ESRP1: variants seen among roughly 807,000 people sequenced by gnomAD.
The protein encoded by ESRP1 is epithelial splicing regulatory protein 1, also known as RNA-binding motif protein 35A.
A neutral mutation model predicts 81.7 loss-of-function variants in ESRP1; 33 were observed. The ratio of observed to expected loss-of-function variants is 0.40; its 90% CI spans 0.31 to 0.54. The LOEUF is 0.54. Ranked by LOEUF, ESRP1 falls within the 20% of genes least tolerant of loss-of-function variation. The pLI is 0.41. For synonymous variants in ESRP1, 320 were observed against 303.3 expected, an observed-to-expected ratio of 1.06 and a Z score of -0.57; for missense variants, 672 against 833.1, an observed-to-expected ratio of 0.81 and a Z score of 2.38.
At chr8:94,646,042 T>A (rs3824131) in intron 3 of ESRP1, 126 bp from the exon 4 acceptor site, 1 of 549,724 alleles carries the variant, frequency 1.8e-6, no homozygotes, top group South Asian at 2.7e-5. Context: ...TAAATCTACT[T>A]TTACATTAAA....
intron 13 of ESRP1, among the ~76,000 whole-genome samples, chr8:94,690,039 C>T (rs1176431778): frequency 1.7e-4 from 25 of 151,500 alleles, no homozygotes; most frequent in Non-Finnish European, 2.9e-4. Flanking sequence ...AGGATGGTCT[C>T]GATCTCTTGA....
At chr8:94,664,626 C>A in intron 6 of ESRP1, 71 bp from the exon 7 acceptor site, 1 of 1,079,120 alleles carries the variant, frequency 9.3e-7, no homozygotes, top group Non-Finnish European at 1.4e-6. Flanking sequence ...AGGCAGTTGT[C>A]TTGCAGGGGG....
At chr8:94,679,758 CCT>C (rs1351590711) in intron 13 of ESRP1, among the ~76,000 whole-genome samples, 1 of 151,990 alleles carries the variant, frequency 6.6e-6, no homozygotes, top group Non-Finnish European at 1.5e-5. Context: ...ATTTTATACA[CCT>C]CTGAGTCTAG....
At position 94,706,137 on chromosome 8, in the gene ESRP1, CTTTGCTG is replaced by C; in HGVS notation, c.*249_*255del. On this transcript the variant is annotated 3_prime_UTR_variant, in exon 16 of 16. Coordinates refer to ENST00000433389, the MANE Select transcript of ESRP1 (RefSeq NM_017697.4). ...CAAGCAGCATGCAGCATACCTGGCT[CTTTGCTG>C]ATTGCAAATAGGCATTTAAAATGTG... The C allele has an allele frequency of 1.8e-6, 1 of 544,242 alleles. No individual in the cohort carries two copies. The highest frequency in any genetic ancestry group is 3.2e-6 in the Non-Finnish European group (1 of 312,436). 33.7% of individuals were successfully genotyped at this position (544,242 alleles called of 1,614,324 possible). A position where few individuals can be genotyped will look rare whatever the true frequency, so the allele number is the denominator to read the frequency against.
At chr8:94,659,192 G>GT (rs1239172201) in intron 4 of ESRP1, among the ~76,000 whole-genome samples, 2 of 151,532 alleles carry the variant, frequency 1.3e-5, no homozygotes, top group African/African-American at 4.9e-5. Flanking sequence ...GTTTTGTTTT[G>GT]TTTAAAAAAA....
chr8:94,655,065 T>G (rs79486751), intron 4 of ESRP1, among the ~76,000 whole-genome samples: 23,480 of 147,512 alleles, frequency 0.16, 2,262 homozygotes, highest in Non-Finnish European at 0.22. Flanking sequence ...TTTGGGTTTT[T>G]TGTGTGTGTG....
intron 3 of ESRP1, among the ~76,000 whole-genome samples, chr8:94,645,439 CAAAGG>C (rs1021502611): frequency 8.9e-5 from 12 of 135,144 alleles, no homozygotes; most frequent in Admixed American, 2.3e-4. Context: ...AAAAAAAAAA[CAAAGG>C]AAACAATAGT....
chr8:94,651,987 CTTTTT>C (rs35903773), intron 4 of ESRP1, among the ~76,000 whole-genome samples: 7 of 65,222 alleles, frequency 1.1e-4, no homozygotes, highest in African/African-American at 2.9e-4. Context: ...TCTAAAACGC[CTTTTT>C]TTTTTTTTTT....
Position 94,700,921 on chromosome 8 carries a change from T to C in ESRP1, c.*35+3960T>C, listed in dbSNP as rs566885626. Among the ~76,000 whole-genome samples, 5 of 142,648 alleles carry C rather than the reference T, an allele frequency of 3.5e-5. No homozygotes were observed. The East Asian group carries it at 6.2e-4, about 18-fold the overall frequency. The allele number at this position is 142,648 out of a possible 152,430, so 93.6% of individuals were successfully genotyped here. A position where few individuals can be genotyped will look rare whatever the true frequency, so the allele number is the denominator to read the frequency against. ...TCCAGCCTGGGCAACAGAGCAAGAC[T>C]CCGACTCAAAAAAAAATGTGTGTGT... On this transcript the variant is annotated intron_variant, in intron 15 of 15. Transcript: ENST00000433389.
At chr8:94,660,777 A>C (rs1818705595) in intron 4 of ESRP1, among the ~76,000 whole-genome samples, 1 of 151,474 alleles carries the variant, frequency 6.6e-6, no homozygotes, top group Admixed American at 6.6e-5. Flanking sequence ...AACCAAAGAA[A>C]ACCAAGAATT....
chr8:94,674,635 C>A, intron 12 of ESRP1, 129 bp downstream of exon 12: 1 of 747,730 alleles, frequency 1.3e-6, no homozygotes, highest in Non-Finnish European at 2.1e-6. Flanking sequence ...GCTCTCCCAT[C>A]TGTAATCAGT....
At chr8:94,685,689 A>G (rs1158508365) in intron 13 of ESRP1, among the ~76,000 whole-genome samples, 2 of 151,898 alleles carry the variant, frequency 1.3e-5, no homozygotes, top group African/African-American at 4.8e-5. Flanking sequence ...AATCCCAGCT[A>G]TTTGGGAGGC....
At chr8:94,674,931 CTT>C (rs1441768252) in intron 12 of ESRP1, among the ~76,000 whole-genome samples, 1 of 151,978 alleles carries the variant, frequency 6.6e-6, no homozygotes, top group Non-Finnish European at 1.5e-5. Flanking sequence ...TTGCATTTAA[CTT>C]TTTGAGCATC....
Position 94,641,701 on chromosome 8 carries a change from C to T in ESRP1, c.132+251C>T. 5.7e-6 allele frequency: 4 copies of T among 705,602 alleles called. No individual in the cohort carries two copies. The South Asian group carries it at 6.7e-5, about 12-fold the overall frequency. 43.7% of individuals were successfully genotyped at this position (705,602 alleles called of 1,614,324 possible). A position where few individuals can be genotyped will look rare whatever the true frequency, so the allele number is the denominator to read the frequency against. On this transcript the variant is annotated intron_variant, in intron 1 of 15. Transcript: ENST00000433389. ...CTACCGAGCCGGGTTCTTTGCCCGTCGGGGGACGCTCCGCCGAGACGAGGT... is the reference window on the plus strand; with the variant it reads ...CTACCGAGCCGGGTTCTTTGCCCGTTGGGGGACGCTCCGCCGAGACGAGGT...
chr8:94,664,218 G>C (rs1818899907), intron 6 of ESRP1, among the ~76,000 whole-genome samples: 1 of 147,666 alleles, frequency 6.8e-6, no homozygotes, highest in African/African-American at 2.5e-5. Flanking sequence ...CCACCTCCCA[G>C]GTTCAAGTGA....
chr8:94,666,441 CTGTA>C (rs1317408892), intron 9 of ESRP1, among the ~76,000 whole-genome samples: 1 of 152,202 alleles, frequency 6.6e-6, no homozygotes, highest in Non-Finnish European at 1.5e-5. Flanking sequence ...TTTAAAATCT[CTGTA>C]TGCGCCACTC....
At chr8:94,666,752 A>G (rs1028673811) in intron 9 of ESRP1, among the ~76,000 whole-genome samples, 8 of 151,996 alleles carry the variant, frequency 5.3e-5, no homozygotes, top group African/African-American at 1.9e-4. Flanking sequence ...TTCCCAAGCA[A>G]TGTTTGATAT....
chr8:94,646,079 G>T, intron 3 of ESRP1, 89 bp from the exon 4 acceptor site: 1 of 654,264 alleles, frequency 1.5e-6, no homozygotes, highest in Non-Finnish European at 2.6e-6. Flanking sequence ...TGTAAAATAT[G>T]CTTATATTCA....
chr8:94,641,559 C>A, intron 1 of ESRP1, 109 bp downstream of exon 1: 1 of 1,477,476 alleles, frequency 6.8e-7, no homozygotes, highest in Non-Finnish European at 9.3e-7. Flanking sequence ...TCTTGTTTGC[C>A]CACTTGTGAG....
Sources: gnomAD v4.1 joint callset for allele counts (sites outside exome capture counted in the v4.1 genomes callset) on GRCh38, gnomAD v4.1.1 for gene constraint, MANE v1.5 for transcripts, NCBI Gene and HGNC (gene_info 2026-07-23, HGNC 2026-07-21) for gene names.